The following TFCP2 variants were observed in gnomAD, a reference collection of about 807,000 sequenced individuals.
The protein encoded by TFCP2 is alpha-globin transcription factor CP2.
In TFCP2, 33 loss-of-function variants were observed where a neutral mutation model predicts 73.4. The ratio of observed to expected loss-of-function variants is 0.45; its 90% CI spans 0.34 to 0.60. The LOEUF is 0.60. Among genes scored for constraint, TFCP2 ranks in the 20% least tolerant of loss-of-function variants. TFCP2 has a pLI of 0.01. For synonymous variants in TFCP2, 193 were observed against 211.6 expected, an observed-to-expected ratio of 0.91 and a Z score of 0.76; for missense variants, 352 against 604.0, an observed-to-expected ratio of 0.58 and a Z score of 4.37.
At position 51,157,588 on chromosome 12, in the gene TFCP2, C is replaced by T. The variant is rs1252698646; in HGVS notation, c.122+14713G>A. On this transcript the variant is annotated intron_variant, in intron 1 of 14. Coordinates refer to ENST00000257915, the MANE Select transcript of TFCP2 (RefSeq NM_005653.5). Reference sequence around the variant, plus strand: ...AGATTACACATGTGAGCTGCCATGCCCAGCCTACCCTTTCCATTTCTGTGG... The same window carrying T: ...AGATTACACATGTGAGCTGCCATGCTCAGCCTACCCTTTCCATTTCTGTGG... Among the ~76,000 whole-genome samples the T allele has an allele frequency of 3.3e-5, 5 of 151,968 alleles. No individual in the cohort carries two copies. In the East Asian group the frequency reaches 9.6e-4, roughly 29 times the overall value.
At chr12:51,145,526 A>T (rs10876143) in intron 1 of TFCP2, among the ~76,000 whole-genome samples, 87,437 of 141,036 alleles carry the variant, frequency 0.62, 27,402 homozygotes, top group Non-Finnish European at 0.69. Context: ...AGATCACACC[A>T]CTCACTGCAT....
chr12:51,142,633 C>T lies in TFCP2; in HGVS notation c.123-23861G>A, dbSNP rs189308568. On this transcript the variant is annotated intron_variant, in intron 1 of 14. Coordinates refer to ENST00000257915, the MANE Select transcript of TFCP2 (RefSeq NM_005653.5). ...TCCTCTGATTATCCCAATACATGTA[C>T]CATCAATCTTCCTCCATGGATCATT... is the stretch of plus-strand genomic sequence containing the variant. Among the ~76,000 whole-genome samples the T allele has an allele frequency of 8.9e-4, 136 of 152,308 alleles. 2 individuals are homozygous for T. The highest frequency in any genetic ancestry group is 7.4e-5 in the Non-Finnish European group (5 of 68,022).
intron 1 of TFCP2, among the ~76,000 whole-genome samples, chr12:51,125,855 T>C (rs1474782593): frequency 6.6e-6 from 1 of 152,126 alleles, no homozygotes; most frequent in Non-Finnish European, 1.5e-5. Context: ...CCCAGCACTT[T>C]GGGAGGCTAA....
At chr12:51,118,557 C>G (rs1940588156) in intron 2 of TFCP2, 64 bp downstream of exon 2, 2 of 1,571,660 alleles carry the variant, frequency 1.3e-6, no homozygotes, top group Non-Finnish European at 1.7e-6. Flanking sequence ...AACAAACAAA[C>G]AAACAAAAAA....
At chr12:51,110,017 C>A (rs1010699983) in intron 5 of TFCP2, among the ~76,000 whole-genome samples, 2 of 152,068 alleles carry the variant, frequency 1.3e-5, no homozygotes, top group Non-Finnish European at 1.5e-5. Flanking sequence ...CGGCACCCAG[C>A]CTGGTGAATC....
chr12:51,107,459 T>G, intron 6 of TFCP2, 113 bp from the exon 7 acceptor site: 2 of 789,218 alleles, frequency 2.5e-6, no homozygotes, highest in East Asian at 4.9e-5. Flanking sequence ...TGCAGTGATG[T>G]AAAGGCAAGA....
intron 1 of TFCP2, among the ~76,000 whole-genome samples, chr12:51,129,312 G>C (rs1040643440): frequency 6.6e-6 from 1 of 152,026 alleles, no homozygotes; most frequent in Non-Finnish European, 1.5e-5. Context: ...AGGAGTTTGA[G>C]ACCAGCCCGG....
At chr12:51,104,564 A>T (rs1327108252) in intron 8 of TFCP2, among the ~76,000 whole-genome samples, 3 of 152,152 alleles carry the variant, frequency 2.0e-5, no homozygotes, top group East Asian at 3.8e-4. Context: ...AAAAAAATTT[A>T]AAAATAAAAT....
chr12:51,155,779 C>T (rs543701698), intron 1 of TFCP2, among the ~76,000 whole-genome samples: 19 of 152,344 alleles, frequency 1.2e-4, no homozygotes, highest in African/African-American at 2.6e-4. Context: ...CAGTGGCTCA[C>T]GCCTGTAAAG....
intron 1 of TFCP2, among the ~76,000 whole-genome samples, chr12:51,133,747 TA>T (rs1368161774): frequency 6.6e-6 from 1 of 151,910 alleles, no homozygotes; most frequent in Non-Finnish European, 1.5e-5. Context: ...GCCAACATGG[TA>T]AAACCCTGTC....
At chr12:51,113,027 T>G (rs1050383869) in intron 4 of TFCP2, among the ~76,000 whole-genome samples, 1 of 152,328 alleles carries the variant, frequency 6.6e-6, no homozygotes, top group East Asian at 1.9e-4. Context: ...TAGCATTCCC[T>G]GATTTCTCCT....
At chr12:51,147,450 A>G (rs987326258) in intron 1 of TFCP2, among the ~76,000 whole-genome samples, 4 of 152,106 alleles carry the variant, frequency 2.6e-5, no homozygotes, top group Non-Finnish European at 5.9e-5. Flanking sequence ...TACTTGAGGC[A>G]TAGTGAGAGT....
chr12:51,144,978 A>T (rs928903005), intron 1 of TFCP2, among the ~76,000 whole-genome samples: 1 of 152,140 alleles, frequency 6.6e-6, no homozygotes, highest in Non-Finnish European at 1.5e-5. Flanking sequence ...AGGTGGGCGG[A>T]TCACTTGAGG....
chr12:51,098,633 A>G lies in TFCP2; in HGVS notation c.1419+143T>C, dbSNP rs576315128. 283 of 998,326 alleles carry G rather than the reference A, an allele frequency of 2.8e-4. 2 individuals are homozygous for G. In the South Asian group the frequency reaches 4.5e-3, roughly 16 times the overall value. The allele number at this position is 998,326 out of a possible 1,614,324, so 61.8% of individuals were successfully genotyped here. A position where few individuals can be genotyped will look rare whatever the true frequency, so the allele number is the denominator to read the frequency against. On this transcript the variant is annotated intron_variant, in intron 13 of 14. Transcript: ENST00000257915. ...AGAGAGAGACTGTTTCAAAAAAAAA[A>G]AAAATTAGGAGGAAAGCAAGCAAAA...
intron 1 of TFCP2, among the ~76,000 whole-genome samples, chr12:51,154,363 A>C (rs1288268512): frequency 6.6e-6 from 1 of 152,200 alleles, no homozygotes; most frequent in Non-Finnish European, 1.5e-5. Flanking sequence ...GATTAACAAC[A>C]ACTAAAAATA....
rs1451939629 is a variant in TFCP2 at position 51,172,575 on chromosome 12, C to T, written c.-153G>A. 6 of 962,550 alleles carry T rather than the reference C, an allele frequency of 6.2e-6. No homozygotes were observed. Among genetic ancestry groups the T allele is most frequent in the African/African-American group, 1.6e-5 (1 of 61,074 alleles). The allele number at this position is 962,550 out of a possible 1,614,324, so 59.6% of individuals were successfully genotyped here. On this transcript the variant is annotated 5_prime_UTR_variant, in exon 1 of 15. Transcript: ENST00000257915. ...CCACCCCCAAGCCCGACCAGCACTG[C>T]TCTGTGCACAACTAATCTCCCGTAC...
At chr12:51,150,444 T>A (rs769269961) in intron 1 of TFCP2, among the ~76,000 whole-genome samples, 97 of 152,214 alleles carry the variant, frequency 6.4e-4, no homozygotes, top group African/African-American at 2.0e-3. Context: ...AAATTTTTTT[T>A]AAAAAGTAAT....
At position 51,172,427 on chromosome 12, in the gene TFCP2, G is replaced by C. The variant is rs1480344212; in HGVS notation, c.-5C>G. The C allele has an allele frequency of 6.2e-7, 1 of 1,613,956 alleles. No homozygotes were observed. Among genetic ancestry groups the C allele is most frequent in the Non-Finnish European group, 8.5e-7 (1 of 1,179,954 alleles). ...CAGCTTCAGAGCCCAGGCCATCCTG[G>C]CTCCTTCCTTGCCCCAGGAGACACC... is the stretch of plus-strand genomic sequence containing the variant. On this transcript the variant is annotated 5_prime_UTR_variant, in exon 1 of 15. Transcript: ENST00000257915.
chr12:51,105,395 T>G (rs1373084825), intron 8 of TFCP2, among the ~76,000 whole-genome samples: 1 of 152,186 alleles, frequency 6.6e-6, no homozygotes, highest in Non-Finnish European at 1.5e-5. Flanking sequence ...CCCAGCCTGT[T>G]TTTCTTTATA....
Sources: allele counts gnomAD v4.1 joint callset (sites outside exome capture counted in the v4.1 genomes callset), GRCh38; gene constraint gnomAD v4.1.1; transcripts MANE v1.5; gene names NCBI Gene and HGNC (gene_info 2026-07-23, HGNC 2026-07-21).